EPHA10: variants seen among roughly 807,000 people sequenced by gnomAD.
The protein encoded by EPHA10 is EPH receptor A10, also known as ephrin type-A receptor 10.
Under a neutral mutation model 109.7 loss-of-function variants are expected in EPHA10, and 120 were observed. The ratio of observed to expected loss-of-function variants is 1.09; its 90% CI spans 0.94 to 1.27. EPHA10 has a LOEUF of 1.27. EPHA10 is among the 50% of genes most tolerant of loss of function. EPHA10 has a pLI of 0.00. For synonymous variants in EPHA10, 640 were observed against 618.9 expected, an observed-to-expected ratio of 1.03 and a Z score of -0.51; for missense variants, 1,396 against 1,411.1, an observed-to-expected ratio of 0.99 and a Z score of 0.17.
chr1:37,737,127 T>C (rs1281213545), intron 5 of EPHA10, among the ~76,000 whole-genome samples: 1 of 152,124 alleles, frequency 6.6e-6, no homozygotes, highest in Non-Finnish European at 1.5e-5. Flanking sequence ...AAAAGGACCA[T>C]GAATAGTCAA....
chr1:37,761,267 T>C, intron 3 of EPHA10, 138 bp downstream of exon 3: 2 of 1,511,212 alleles, frequency 1.3e-6, no homozygotes, highest in Admixed American at 2.2e-5. Context: ...ACTTCAGGGC[T>C]CTCCTTGGGC....
chr1:37,746,023 T>A (rs1397244411), intron 5 of EPHA10, among the ~76,000 whole-genome samples: 1 of 151,976 alleles, frequency 6.6e-6, no homozygotes, highest in Admixed American at 6.6e-5. Context: ...CCCACTGTAT[T>A]CTCACGTGGC....
chr1:37,741,203 T>A (rs903233886), intron 5 of EPHA10, among the ~76,000 whole-genome samples: 1 of 152,210 alleles, frequency 6.6e-6, no homozygotes, highest in African/African-American at 2.4e-5. Flanking sequence ...TAATGTGTTA[T>A]GAGGGACTGA....
At chr1:37,734,812 G>T in intron 6 of EPHA10, 1 of 338,672 alleles carries the variant, frequency 3.0e-6, no homozygotes, top group Non-Finnish European at 5.7e-6. Context: ...TACATTTATT[G>T]TTCTGGAAAG....
chr1:37,753,250 G>A (rs1336148472), intron 4 of EPHA10, 24 bp from the exon 5 acceptor site: 1 of 1,273,196 alleles, frequency 7.9e-7, no homozygotes, highest in Non-Finnish European at 9.9e-7. Context: ...GGGGCGGGGC[G>A]GTCAGGGCGG....
chr1:37,718,035 A>G lies in EPHA10; in HGVS notation c.*337T>C. The G allele has an allele frequency of 2.8e-6, 1 of 352,604 alleles. No homozygotes were observed. The highest frequency in any genetic ancestry group is 5.1e-5 in the South Asian group (1 of 19,778). The allele number at this position is 352,604 out of a possible 1,614,324, so 21.8% of individuals were successfully genotyped here. ...CAGTGGGTACAAATGGCAGTAGGGC[A>G]TGAGCCAGGGCAATCTCAACCCACT... On this transcript the variant is annotated 3_prime_UTR_variant, in exon 17 of 17. Coordinates refer to ENST00000373048, the MANE Select transcript of EPHA10 (RefSeq NM_001099439.2).
intron 5 of EPHA10, among the ~76,000 whole-genome samples, chr1:37,742,107 G>A (rs1441355838): frequency 6.6e-6 from 1 of 152,216 alleles, no homozygotes; most frequent in Non-Finnish European, 1.5e-5. Flanking sequence ...TTAGATGAAA[G>A]CCTGATAAAT....
intron 6 of EPHA10, among the ~76,000 whole-genome samples, chr1:37,731,939 C>T (rs1312240833): frequency 2.0e-5 from 3 of 152,224 alleles, no homozygotes; most frequent in Non-Finnish European, 4.4e-5. Context: ...CCTAGGCAGG[C>T]CTGAAGCCTC....
intron 5 of EPHA10, among the ~76,000 whole-genome samples, chr1:37,737,124 C>T (rs1306231795): frequency 2.0e-5 from 3 of 152,054 alleles, no homozygotes; most frequent in East Asian, 3.9e-4. Flanking sequence ...TCTAAAAGGA[C>T]CATGAATAGT....
At chr1:37,732,433 T>C (rs11582498) in intron 6 of EPHA10, among the ~76,000 whole-genome samples, 31,657 of 152,056 alleles carry the variant, frequency 0.21, 3,486 homozygotes, top group Non-Finnish European at 0.23. Context: ...CCCTGCCATA[T>C]CCACAGCCCC....
intron 5 of EPHA10, among the ~76,000 whole-genome samples, chr1:37,742,587 T>TTA (rs1482758693): frequency 1.5e-5 from 1 of 68,454 alleles, no homozygotes; most frequent in African/African-American, 4.4e-5. Context: ...AATGGCAGAG[T>TTA]GGACAGACAG....
At chr1:37,734,242 A>G (rs181097551) in intron 6 of EPHA10, among the ~76,000 whole-genome samples, 129 of 152,276 alleles carry the variant, frequency 8.5e-4, no homozygotes, top group African/African-American at 3.0e-3. Context: ...AGATTTAAAG[A>G]TAATAAATTG....
chr1:37,718,060 T>C lies in EPHA10; in HGVS notation c.*312A>G, dbSNP rs1321966444. 2 of 405,714 alleles carry C rather than the reference T, an allele frequency of 4.9e-6. No homozygotes were observed. Among genetic ancestry groups the C allele is most frequent in the East Asian group, 8.5e-5 (2 of 23,654 alleles). 25.1% of individuals were successfully genotyped at this position (405,714 alleles called of 1,614,324 possible). On this transcript the variant is annotated 3_prime_UTR_variant, in exon 17 of 17. Coordinates refer to ENST00000373048, the MANE Select transcript of EPHA10 (RefSeq NM_001099439.2). Reference sequence around the variant, plus strand: ...ATGAGCCAGGGCAATCTCAACCCACTGTCTTCCCTCCCATCCCTGCCCCAG... The same window carrying C: ...ATGAGCCAGGGCAATCTCAACCCACCGTCTTCCCTCCCATCCCTGCCCCAG...
rs571354815 is a variant in EPHA10 at position 37,764,035 on chromosome 1, C to T, written c.106+926G>A. ...CAGCCTGCAACCTCTCAGCATGGAT[C>T]ACAGAAAATGGTTTGGACAGCAGAG... On this transcript the variant is annotated intron_variant, in intron 1 of 16. Transcript: ENST00000373048. The surrounding 1 kb of genome is among the most constrained non-coding windows in gnomAD (Gnocchi z 5.8). Among the ~76,000 whole-genome samples, 1 of 152,290 alleles carries T rather than the reference C, an allele frequency of 6.6e-6. No individual in the cohort carries two copies. Among genetic ancestry groups the T allele is most frequent in the African/African-American group, 2.4e-5 (1 of 41,556 alleles).
Position 37,761,809 on chromosome 1 carries a change from G to T in EPHA10, c.446C>A (p.Pro149His). The change falls in exon 3 of 17, where the codon CCC becomes CAC. Residue 149 changes from proline to histidine, a missense_variant. Pro to His is a moderately conservative substitution (Grantham distance 77, BLOSUM62 -2). Coordinates refer to ENST00000373048, the MANE Select transcript of EPHA10 (RefSeq NM_001099439.2). ...RGRPRLGGSR[P>H]RKIDTIAADE... ...CGCCGCGATCGTGTCGATTTTGCGGGGCCGGCTGCCGCCTAGGCGGGGACG... is the reference window on the plus strand; with the variant it reads ...CGCCGCGATCGTGTCGATTTTGCGGTGCCGGCTGCCGCCTAGGCGGGGACG... 1 of 1,613,634 alleles carries T rather than the reference G, an allele frequency of 6.2e-7. No individual in the cohort carries two copies. The highest frequency in any genetic ancestry group is 8.5e-7 in the Non-Finnish European group (1 of 1,179,742).
intron 15 of EPHA10, 200 bp from the exon 16 acceptor site, chr1:37,719,016 C>G (rs1401798209): frequency 2.8e-5 from 19 of 681,984 alleles, no homozygotes; most frequent in Non-Finnish European, 4.7e-5. Context: ...GGAGGCAGAG[C>G]CAGCGCCAGC....
chr1:37,729,677 C>T (rs991023632), intron 7 of EPHA10, among the ~76,000 whole-genome samples: 2 of 152,040 alleles, frequency 1.3e-5, no homozygotes, highest in East Asian at 1.9e-4. Context: ...CCCAGGAGTT[C>T]GAAACCAGCC....
Position 37,754,403 on chromosome 1 carries a change from C to A in EPHA10, c.851-33G>T. The A allele has an allele frequency of 7.8e-7, 1 of 1,276,992 alleles. No homozygotes were observed. The allele number at this position is 1,276,992 out of a possible 1,614,324, so 79.1% of individuals were successfully genotyped here. A position where few individuals can be genotyped will look rare whatever the true frequency, so the allele number is the denominator to read the frequency against. ...GCATGGCTGGTGAGAAGAGGGGGCT[C>A]CTCCAGTTTCTCCCCGCTTTCCTGA... On this transcript the variant is annotated intron_variant, in intron 3 of 16. Transcript: ENST00000373048. The surrounding 1 kb of genome is among the most constrained non-coding windows in gnomAD (Gnocchi z 4.5).
chr1:37,752,219 G>T (rs925532651), intron 5 of EPHA10, among the ~76,000 whole-genome samples: 3 of 152,200 alleles, frequency 2.0e-5, no homozygotes, highest in Admixed American at 6.5e-5. Flanking sequence ...GGTGTGAAAA[G>T]GTTGTAGGTC....
Sources: allele counts gnomAD v4.1 joint callset (sites outside exome capture counted in the v4.1 genomes callset), GRCh38; gene constraint gnomAD v4.1.1; non-coding constraint Gnocchi (gnomAD v3.1); transcripts MANE v1.5; gene names NCBI Gene and HGNC (gene_info 2026-07-23, HGNC 2026-07-21).